The following PLPP3 variants were observed in gnomAD, a reference collection of about 807,000 sequenced individuals.
PLPP3 encodes PAP2 beta.
Under a neutral mutation model 29.6 loss-of-function variants are expected in PLPP3, and 6 were observed. That is an observed-to-expected ratio of 0.20 (90% CI 0.11 to 0.40). The LOEUF (loss-of-function observed/expected upper bound fraction) is 0.40. PLPP3 is among the 10% of genes least tolerant of loss of function. PLPP3 has a pLI of 1.00. For synonymous variants in PLPP3, 152 were observed against 159.7 expected, an observed-to-expected ratio of 0.95 and a Z score of 0.36; for missense variants, 308 against 407.7, an observed-to-expected ratio of 0.76 and a Z score of 2.11.
At chr1:56,542,004 C>A (rs1033129551) in intron 1 of PLPP3, among the ~76,000 whole-genome samples, 1 of 150,554 alleles carries the variant, frequency 6.6e-6, no homozygotes, top group African/African-American at 2.4e-5. Context: ...GAGTGCAGAC[C>A]GAGACCCAGA....
At chr1:56,553,661 T>C (rs1250236830) in intron 1 of PLPP3, among the ~76,000 whole-genome samples, 1 of 152,196 alleles carries the variant, frequency 6.6e-6, no homozygotes, top group Non-Finnish European at 1.5e-5. Context: ...TTAACACATA[T>C]ATTCAGGACC....
chr1:56,536,749 A>C (rs1291012892), intron 2 of PLPP3, among the ~76,000 whole-genome samples: 1 of 152,286 alleles, frequency 6.6e-6, no homozygotes, highest in East Asian at 1.9e-4. Flanking sequence ...TACGTCATTT[A>C]ACTCTCCCAT....
chr1:56,534,512 G>C (rs1026039525), intron 2 of PLPP3, among the ~76,000 whole-genome samples: 1 of 152,112 alleles, frequency 6.6e-6, no homozygotes, highest in Non-Finnish European at 1.5e-5. Flanking sequence ...ACATTCAGCA[G>C]GAGAAGGCTC....
intron 1 of PLPP3, among the ~76,000 whole-genome samples, chr1:56,567,271 G>C (rs1458388421): frequency 1.3e-5 from 2 of 151,618 alleles, no homozygotes; most frequent in African/African-American, 4.9e-5. Context: ...GTGTTTCTTT[G>C]TGAAAAATCC....
intron 2 of PLPP3, among the ~76,000 whole-genome samples, chr1:56,529,092 C>A (rs373127792): frequency 6.6e-6 from 1 of 151,972 alleles, no homozygotes; most frequent in Non-Finnish European, 1.5e-5. Context: ...TACTTTACAG[C>A]TTTCAAAGCA....
In PLPP3 at chr1:56,524,017, C is replaced by G; in HGVS notation, c.576-137G>C. On this transcript the variant is annotated intron_variant, in intron 3 of 5. Transcript: ENST00000371250. This position sits in a 1 kb window ranked among gnomAD's most constrained non-coding sequence, Gnocchi z 4.3. ...GTTCATTTTTGCATCCTTGGTAGTG[C>G]TTTGGACCCATGCCTGGAACATAGC... 1 of 1,053,240 alleles carries G rather than the reference C, an allele frequency of 9.5e-7. No individual in the cohort carries two copies. The highest frequency in any genetic ancestry group is 1.4e-6 in the Non-Finnish European group (1 of 720,748). The allele number at this position is 1,053,240 out of a possible 1,614,324, so 65.2% of individuals were successfully genotyped here.
chr1:56,566,775 A>AT (rs1363347817), intron 1 of PLPP3, among the ~76,000 whole-genome samples: 2 of 152,124 alleles, frequency 1.3e-5, no homozygotes, highest in African/African-American at 4.8e-5. Context: ...TTACAACTTG[A>AT]TTTTTTAGTG....
rs1645778497 is a variant in PLPP3, at chr1:56,516,053, CAAGT to C, written c.634-3905_634-3902del. On this transcript the variant is annotated intron_variant, in intron 4 of 5. Coordinates refer to ENST00000371250, the MANE Select transcript of PLPP3 (RefSeq NM_003713.5). ...AATGACTGTGGCAATTTCACCAAAA[CAAGT>C]AAGTTTTGGTGAAACTTAAAGAAGA... Among the ~76,000 whole-genome samples the C allele has an allele frequency of 3.3e-5, 5 of 152,212 alleles. No individual in the cohort carries two copies. The South Asian group carries it at 1.0e-3, about 32-fold the overall frequency.
chr1:56,499,072 GT>G (rs1275912335), intron 5 of PLPP3, among the ~76,000 whole-genome samples: 30 of 24,864 alleles, frequency 1.2e-3, no homozygotes, highest in Admixed American at 1.9e-3. Context: ...CAGCTCCCCC[GT>G]CCCCCCCCCC....
chr1:56,556,773 C>A (rs1035344538), intron 1 of PLPP3, among the ~76,000 whole-genome samples: 2 of 150,648 alleles, frequency 1.3e-5, no homozygotes, highest in Non-Finnish European at 3.0e-5. Flanking sequence ...AGGACTGTCC[C>A]TGGGCAGGCA....
Position 56,506,811 on chromosome 1 carries a change from T to A in PLPP3, c.810+5165A>T, listed in dbSNP as rs74578056. 6.6e-5 allele frequency among the ~76,000 whole-genome samples: 10 copies of A among 152,258 alleles called. No homozygotes were observed. In the South Asian group the frequency reaches 2.1e-3, roughly 32 times the overall value. ...CCAATATGAGCCTGTGTTTTTTTTT[T>A]ATTCGTCTGTCTGTTTATGTGTGTC... On this transcript the variant is annotated intron_variant, in intron 5 of 5. Transcript: ENST00000371250.
rs78213655 is a variant in PLPP3 at position 56,530,382 on chromosome 1, T to C, written c.298-5828A>G. On this transcript the variant is annotated intron_variant, in intron 2 of 5. Coordinates refer to ENST00000371250, the MANE Select transcript of PLPP3 (RefSeq NM_003713.5). ...GCTTCAGCCTACCCCTTTCCCCTAATTGGCCCAATTCCAATCTTCTGCTAA... is the reference window on the plus strand; with the variant it reads ...GCTTCAGCCTACCCCTTTCCCCTAACTGGCCCAATTCCAATCTTCTGCTAA... 8.3e-3 allele frequency among the ~76,000 whole-genome samples: 1,255 copies of C among 152,094 alleles called. 39 individuals carry two copies. The East Asian group carries it at 0.11, about 13-fold the overall frequency.
intron 1 of PLPP3, among the ~76,000 whole-genome samples, chr1:56,567,750 G>A (rs760672535): frequency 8.5e-5 from 13 of 152,120 alleles, no homozygotes; most frequent in Non-Finnish European, 1.2e-4. Context: ...CAGTTTGGCA[G>A]TTCCTCAAAA....
intron 1 of PLPP3, among the ~76,000 whole-genome samples, chr1:56,558,919 A>C (rs1646102023): frequency 6.6e-6 from 1 of 152,212 alleles, no homozygotes; most frequent in Non-Finnish European, 1.5e-5. Flanking sequence ...CAAGACCTCC[A>C]ACTATCAGGC....
At chr1:56,564,651 C>G (rs188668848) in intron 1 of PLPP3, among the ~76,000 whole-genome samples, 4 of 152,276 alleles carry the variant, frequency 2.6e-5, no homozygotes, top group Non-Finnish European at 5.9e-5. Context: ...GCTTATTATT[C>G]CCCTCGAATT....
intron 1 of PLPP3, among the ~76,000 whole-genome samples, chr1:56,571,453 C>T (rs1334687255): frequency 1.3e-5 from 2 of 152,106 alleles, no homozygotes; most frequent in African/African-American, 2.4e-5. Flanking sequence ...CGTGCTATTC[C>T]CCTCACACCT....
chr1:56,509,724 A>T (rs1316949965), intron 5 of PLPP3, among the ~76,000 whole-genome samples: 1 of 151,300 alleles, frequency 6.6e-6, no homozygotes, highest in Non-Finnish European at 1.5e-5. Context: ...CTGTAATCCC[A>T]GCTACTTGGG....
intron 1 of PLPP3, among the ~76,000 whole-genome samples, chr1:56,568,849 A>C (rs1031087589): frequency 6.6e-6 from 1 of 150,828 alleles, no homozygotes; most frequent in Non-Finnish European, 1.5e-5. Context: ...CTGGTCTTGA[A>C]CTCCTGACCT....
rs190450200 is a variant in PLPP3 at position 56,526,740 on chromosome 1, T to C, written c.298-2186A>G. Among the ~76,000 whole-genome samples the C allele has an allele frequency of 5.9e-5, 9 of 152,296 alleles. No individual in the cohort carries two copies. The East Asian group carries it at 1.5e-3, about 26-fold the overall frequency. On this transcript the variant is annotated intron_variant, in intron 2 of 5. Transcript: ENST00000371250. ...CTGATTTATGACTTCATAACTGCAA[T>C]GACATTTATTCTCAACTTTCCTGGG...
Sources: allele counts gnomAD v4.1 joint callset (sites outside exome capture counted in the v4.1 genomes callset), GRCh38; gene constraint gnomAD v4.1.1; non-coding constraint Gnocchi (gnomAD v3.1); transcripts MANE v1.5; gene names NCBI Gene and HGNC (gene_info 2026-07-23, HGNC 2026-07-21).